The following NXN variants were observed in gnomAD, a reference collection of about 807,000 sequenced individuals.
NXN encodes nucleoredoxin 1.
A neutral mutation model predicts 48.6 loss-of-function variants in NXN; 16 were observed. The ratio of observed to expected loss-of-function variants is 0.33; its 90% confidence interval spans 0.22 to 0.50. NXN has a LOEUF of 0.50. Ranked by LOEUF, NXN falls within the 20% of genes least tolerant of loss-of-function variation. The pLI is 0.98. For synonymous variants in NXN, 281 were observed against 269.6 expected (o/e 1.04, Z -0.41); for missense variants, 492 against 605.5 (o/e 0.81, Z 1.97).
At chr17:819,618 C>G in intron 4 of NXN, 73 bp from the exon 5 acceptor site, 1 of 1,069,902 alleles carries the variant, frequency 9.3e-7, no homozygotes, top group Non-Finnish European at 1.4e-6. Context: ...CCCACCTCTG[C>G]CGAGTTCTGC....
At chr17:807,887 C>G (rs930764065) in intron 5 of NXN, among the ~76,000 whole-genome samples, 5 of 152,356 alleles carry the variant, frequency 3.3e-5, no homozygotes, top group Non-Finnish European at 7.3e-5. Context: ...CTGCCCTGTG[C>G]TAGGCACGGC....
chr17:935,178 G>C (rs2068895449), intron 1 of NXN, among the ~76,000 whole-genome samples: 1 of 151,846 alleles, frequency 6.6e-6, no homozygotes. Context: ...GTTTTTACTA[G>C]AGACAGGGTT....
At chr17:815,579 C>A (rs111878118) in intron 5 of NXN, among the ~76,000 whole-genome samples, 3,169 of 145,208 alleles carry the variant, frequency 0.022, 18 homozygotes, top group African/African-American at 0.073. Context: ...CAGCTGACTT[C>A]CATCCGTATG....
chr17:849,026 G>T lies in NXN; in HGVS notation c.361-22948C>A, dbSNP rs1342406003. Among the ~76,000 whole-genome samples, 1 of 152,172 alleles carries T rather than the reference G, an allele frequency of 6.6e-6. No homozygotes were observed. Among genetic ancestry groups the T allele is most frequent in the Non-Finnish European group, 1.5e-5 (1 of 68,032 alleles). On this transcript the variant is annotated intron_variant, in intron 1 of 7. Coordinates refer to ENST00000336868, the MANE Select transcript of NXN (RefSeq NM_022463.5). This position sits in a 1 kb window ranked among gnomAD's most constrained non-coding sequence, Gnocchi z 4.2. Reference sequence around the variant, plus strand: ...CGGTATGGGGTCAGATCAAGACAAAGGTCTTCGCCTTCGAGAAAGGAAGGG... The same window carrying T: ...CGGTATGGGGTCAGATCAAGACAAATGTCTTCGCCTTCGAGAAAGGAAGGG...
chr17:875,735 G>C (rs1266683336), intron 1 of NXN, among the ~76,000 whole-genome samples: 1 of 150,782 alleles, frequency 6.6e-6, no homozygotes, highest in Non-Finnish European at 1.5e-5. Context: ...TGGGATTACA[G>C]GCACATGTGA....
rs571355758 is a variant in NXN, at chr17:920,826, G to A, written c.360+58493C>T. 2.8e-4 allele frequency among the ~76,000 whole-genome samples: 43 copies of A among 151,524 alleles called. No homozygotes were observed. Among genetic ancestry groups the A allele is most frequent in the Non-Finnish European group, 4.9e-4 (33 of 67,952 alleles). ...CAACCTCTGCCTCCCGGGTTCAAGC[G>A]ATTCTCTTGCCTCAACCTCCCGAGT... On this transcript the variant is annotated intron_variant, in intron 1 of 7. Coordinates refer to ENST00000336868, the MANE Select transcript of NXN (RefSeq NM_022463.5). This position sits in a 1 kb window ranked among gnomAD's most constrained non-coding sequence, Gnocchi z 4.6.
rs1162290210 is a variant in NXN at position 979,574 on chromosome 17, A to T, written c.105T>A (p.Gly35=). The T allele has an allele frequency of 2.8e-6, 4 of 1,424,810 alleles. No individual in the cohort carries two copies. The highest frequency in any genetic ancestry group is 2.5e-5 in the Admixed American group (1 of 39,808). 88.3% of individuals were successfully genotyped at this position (1,424,810 alleles called of 1,614,324 possible). A position where few individuals can be genotyped will look rare whatever the true frequency, so the allele number is the denominator to read the frequency against. Residue 35 remains glycine (G), a synonymous_variant, in exon 1 of 8, where the codon GGT becomes GGA. Transcript: ENST00000336868. ...SLGARGISLL[G]LYFGCSLSAP... The stretch of plus-strand genomic sequence containing the variant: ...CGCTGAGGCTGCAGCCGAAGTAGAG[A>T]CCCAGCAGCGAGATGCCGCGGGCGC...
At chr17:858,345 A>G (rs971698688) in intron 1 of NXN, among the ~76,000 whole-genome samples, 1 of 152,248 alleles carries the variant, frequency 6.6e-6, no homozygotes, top group Non-Finnish European at 1.5e-5. Flanking sequence ...AAATGAGTAT[A>G]TTTAAAGAAA....
intron 1 of NXN, among the ~76,000 whole-genome samples, chr17:835,200 C>A (rs28451633): frequency 1.3e-5 from 2 of 150,406 alleles, no homozygotes; most frequent in East Asian, 4.0e-4. Flanking sequence ...CCCAGCTACT[C>A]GGGAGGCTGA....
chr17:815,749 A>T (rs1317514490), intron 5 of NXN, among the ~76,000 whole-genome samples: 1 of 152,224 alleles, frequency 6.6e-6, no homozygotes, highest in Non-Finnish European at 1.5e-5. Flanking sequence ...GTTTTATTCA[A>T]GATAAAAACG....
At chr17:931,617 G>A (rs1464216147) in intron 1 of NXN, among the ~76,000 whole-genome samples, 33 of 136,474 alleles carry the variant, frequency 2.4e-4, no homozygotes, top group Admixed American at 9.0e-4. Flanking sequence ...TGGGCGGATC[G>A]TGAGGTCAGG....
intron 1 of NXN, among the ~76,000 whole-genome samples, chr17:837,892 C>T (rs966096433): frequency 9.9e-5 from 15 of 152,190 alleles, no homozygotes; most frequent in African/African-American, 3.1e-4. Context: ...AGCTGGTTCA[C>T]AGAGAGGACC....
rs71371579 is a variant in NXN, at chr17:801,443, C to CTTTTTTTT, written c.1126-320_1126-313dup. Among the ~76,000 whole-genome samples the CTTTTTTTT allele has an allele frequency of 4.0e-3, 422 of 104,300 alleles. 15 individuals carry two copies. Among genetic ancestry groups the CTTTTTTTT allele is most frequent in the Middle Eastern group, 7.7e-3 (1 of 130 alleles). 68.4% of individuals were successfully genotyped at this position (104,300 alleles called of 152,430 possible). Reference sequence around the variant, plus strand: ...CTCAGCATTTTAGAAATGTCACATTCTTTTTTTTTTTTTTTTTTTTGAGAT... The same window carrying CTTTTTTTT: ...CTCAGCATTTTAGAAATGTCACATTCTTTTTTTTTTTTTTTTTTTTTTTTTTTTGAGAT... On this transcript the variant is annotated intron_variant, in intron 7 of 7. Coordinates refer to ENST00000336868, the MANE Select transcript of NXN (RefSeq NM_022463.5).
At chr17:942,219 A>G (rs2068984535) in intron 1 of NXN, among the ~76,000 whole-genome samples, 1 of 141,468 alleles carries the variant, frequency 7.1e-6, no homozygotes, top group African/African-American at 2.8e-5. Flanking sequence ...TTTACAGTGA[A>G]CAAGATTCCA....
At chr17:832,236 G>A (rs1181946418) in intron 1 of NXN, among the ~76,000 whole-genome samples, 1 of 151,902 alleles carries the variant, frequency 6.6e-6, no homozygotes, top group Non-Finnish European at 1.5e-5. Flanking sequence ...GGAGTGCAGT[G>A]GCGCGATCTC....
At chr17:843,049 AAAGAAAG>A (rs1425904100) in intron 1 of NXN, among the ~76,000 whole-genome samples, 120 of 130,252 alleles carry the variant, frequency 9.2e-4, no homozygotes, top group African/African-American at 3.3e-3. Flanking sequence ...AGAAAGAAAG[AAAGAAAG>A]AAGGAAGAAA....
rs78296835 is a variant in NXN at position 858,589 on chromosome 17, A to G, written c.361-32511T>C. Among the ~76,000 whole-genome samples, 8 of 152,028 alleles carry G rather than the reference A, an allele frequency of 5.3e-5. No homozygotes were observed. The East Asian group carries it at 1.6e-3, about 30-fold the overall frequency. ...AAAAATACAAAAAAATTAGCCTGGC[A>G]TGGTGGCGGGCGCCTGTAGTCCCAG... On this transcript the variant is annotated intron_variant, in intron 1 of 7. Coordinates refer to ENST00000336868, the MANE Select transcript of NXN (RefSeq NM_022463.5).
chr17:895,683 T>C (rs1597221229), intron 1 of NXN, among the ~76,000 whole-genome samples: 1 of 149,176 alleles, frequency 6.7e-6, no homozygotes, highest in South Asian at 2.2e-4. Context: ...CCAGGCGTGG[T>C]GGTGGGCACC....
intron 1 of NXN, among the ~76,000 whole-genome samples, chr17:957,299 C>T (rs2069181645): frequency 6.6e-6 from 1 of 151,382 alleles, no homozygotes; most frequent in African/African-American, 2.4e-5. Context: ...AAGCCAGGAA[C>T]CCCCCGGGAT....
Sources: gnomAD v4.1 joint callset for allele counts (sites outside exome capture counted in the v4.1 genomes callset) on GRCh38, gnomAD v4.1.1 for gene constraint, Gnocchi (gnomAD v3.1) non-coding constraint, MANE v1.5 for transcripts, NCBI Gene and HGNC (gene_info 2026-07-23, HGNC 2026-07-21) for gene names.